FMN2: variants seen among roughly 807,000 people sequenced by gnomAD.
FMN2 encodes the protein formin-2.
In FMN2, 51 loss-of-function variants were observed where a neutral mutation model predicts 142.3. The ratio of observed to expected loss-of-function variants is 0.36; its 90% CI spans 0.29 to 0.45. The LOEUF is 0.45. Among genes scored for constraint, FMN2 ranks in the 20% least tolerant of loss-of-function variants. The pLI is 1.00. For synonymous variants in FMN2, 882 were observed against 869.8 expected (o/e 1.01, Z -0.25); for missense variants, 1,936 against 2,122.8 (o/e 0.91, Z 1.73).
chr1:240,092,277 C>A lies in FMN2; in HGVS notation c.168C>A (p.Gly56=), dbSNP rs552568759. ...GKHGKGGGGG[G]GGGESGKKKS... is the part of the protein sequence containing the mutation. ...ACGGCAAGGGGGGAGGGGGCGGCGGCGGCGGCGGGGAGTCGGGCAAGAAGA... is the reference window on the plus strand; with the variant it reads ...ACGGCAAGGGGGGAGGGGGCGGCGGAGGCGGCGGGGAGTCGGGCAAGAAGA... Residue 56 remains glycine, a synonymous_variant, in exon 1 of 18, where the codon GGC becomes GGA. Transcript: ENST00000319653. 51 of 1,569,232 alleles carry A rather than the reference C, an allele frequency of 3.2e-5. 1 individual carries two copies. The African/African-American group carries it at 6.0e-4, about 18-fold the overall frequency.
chr1:240,315,482 T>A (rs183941184), intron 8 of FMN2, among the ~76,000 whole-genome samples: 1 of 152,314 alleles, frequency 6.6e-6, no homozygotes, highest in East Asian at 1.9e-4. Flanking sequence ...TCCTATCATG[T>A]TTTTCTTCAC....
intron 2 of FMN2, among the ~76,000 whole-genome samples, chr1:240,141,634 T>C (rs573687049): frequency 6.6e-6 from 1 of 152,308 alleles, no homozygotes; most frequent in Admixed American, 6.5e-5. Context: ...CCTCCCGAAG[T>C]GCTGGGATTA....
At chr1:240,187,707 AAG>A (rs1665539526) in intron 3 of FMN2, among the ~76,000 whole-genome samples, 1 of 152,210 alleles carries the variant, frequency 6.6e-6, no homozygotes, top group African/African-American at 2.4e-5. Flanking sequence ...TGAGGACTAA[AAG>A]AGAAAAACTG....
chr1:240,172,485 C>G (rs115380728), intron 2 of FMN2, among the ~76,000 whole-genome samples: 238 of 152,140 alleles, frequency 1.6e-3, no homozygotes, highest in African/African-American at 5.4e-3. Context: ...AAATTCAAAA[C>G]AAATAGTATT....
At chr1:240,364,820 C>T (rs1672607222) in intron 14 of FMN2, among the ~76,000 whole-genome samples, 1 of 152,202 alleles carries the variant, frequency 6.6e-6, no homozygotes, top group East Asian at 1.9e-4. Context: ...ACATTTACTT[C>T]ACAGATGAAT....
intron 6 of FMN2, among the ~76,000 whole-genome samples, chr1:240,242,146 G>C (rs111536908): frequency 3.9e-5 from 6 of 152,144 alleles, no homozygotes; most frequent in African/African-American, 1.4e-4. Flanking sequence ...CGCCCGGCTA[G>C]TGTGCCTTTC....
intron 14 of FMN2, among the ~76,000 whole-genome samples, chr1:240,367,914 G>A (rs1004614763): frequency 6.6e-6 from 1 of 151,380 alleles, no homozygotes; most frequent in African/African-American, 2.4e-5. Flanking sequence ...TCTATGATCT[G>A]CAATAGGAAT....
intron 3 of FMN2, among the ~76,000 whole-genome samples, chr1:240,183,192 C>T (rs1288924810): frequency 2.6e-5 from 4 of 151,734 alleles, no homozygotes; most frequent in Non-Finnish European, 4.4e-5. Flanking sequence ...GCTGGGATTA[C>T]AGACATGAGC....
At chr1:240,211,838 AT>A (rs1193782590) in intron 6 of FMN2, among the ~76,000 whole-genome samples, 1 of 152,130 alleles carries the variant, frequency 6.6e-6, no homozygotes, top group Admixed American at 6.6e-5. Context: ...TTTCCAAGCA[AT>A]TTTTTTCTAC....
chr1:240,437,917 G>A, intron 15 of FMN2, 144 bp from the exon 16 acceptor site: 1 of 961,570 alleles, frequency 1.0e-6, no homozygotes, highest in South Asian at 1.7e-5. Context: ...CCATAAGAGA[G>A]CTACTGTTGG....
intron 15 of FMN2, among the ~76,000 whole-genome samples, chr1:240,431,876 G>C (rs1558487759): frequency 6.7e-6 from 1 of 149,672 alleles, no homozygotes; most frequent in Non-Finnish European, 1.5e-5. Context: ...GTTTTATTAA[G>C]GTTTTTTTTT....
intron 8 of FMN2, among the ~76,000 whole-genome samples, chr1:240,311,759 C>T (rs1670612452): frequency 6.6e-6 from 1 of 152,108 alleles, no homozygotes; most frequent in African/African-American, 2.4e-5. Flanking sequence ...AAAAGATTAA[C>T]ACAGCTGCAT....
chr1:240,143,198 C>A (rs1663270376), intron 2 of FMN2: 3 of 1,591,154 alleles, frequency 1.9e-6, no homozygotes, highest in Non-Finnish European at 2.6e-6. Flanking sequence ...TACCACTGCC[C>A]ACCATGCCCA....
At chr1:240,233,271 C>A (rs1051134850) in intron 6 of FMN2, among the ~76,000 whole-genome samples, 5 of 151,912 alleles carry the variant, frequency 3.3e-5, no homozygotes, top group Non-Finnish European at 4.4e-5. Context: ...ATCCCAGCTA[C>A]TCAGGAGGCT....
rs1666418191 is a variant in FMN2 at position 240,207,542 on chromosome 1, C to A, written c.2730C>A (p.Pro910=). 3 of 1,613,186 alleles carry A rather than the reference C, an allele frequency of 1.9e-6. No individual in the cohort carries two copies. In the South Asian group the frequency reaches 3.3e-5, roughly 18 times the overall value. ...PPLQGTEMLP[P]PPPPLPGAGI... is the part of the protein sequence containing the mutation. Reference sequence around the variant, plus strand: ...TGCAGGGTACAGAAATGCTGCCACCCCCTCCCCCTCCTCTTCCCGGAGCGG... The same window carrying A: ...TGCAGGGTACAGAAATGCTGCCACCACCTCCCCCTCCTCTTCCCGGAGCGG... Residue 910 remains proline, a synonymous_variant, in exon 5 of 18, where the codon CCC becomes CCA. Coordinates refer to ENST00000319653, the MANE Select transcript of FMN2 (RefSeq NM_020066.5).
chr1:240,388,676 A>G (rs1673495115), intron 14 of FMN2, among the ~76,000 whole-genome samples: 1 of 152,032 alleles, frequency 6.6e-6, no homozygotes, highest in African/African-American at 2.4e-5. Flanking sequence ...AGCCTGACCA[A>G]TATGATGAAA....
At chr1:240,252,460 C>G (rs112764175) in intron 6 of FMN2, among the ~76,000 whole-genome samples, 4 of 151,996 alleles carry the variant, frequency 2.6e-5, no homozygotes, top group African/African-American at 7.2e-5. Flanking sequence ...GTGATTAGTA[C>G]CTTCAACTTT....
intron 14 of FMN2, among the ~76,000 whole-genome samples, chr1:240,390,695 G>A (rs1454582797): frequency 6.6e-6 from 1 of 152,196 alleles, no homozygotes; most frequent in Non-Finnish European, 1.5e-5. Context: ...GAGGCACCGT[G>A]CTAAGTATTT....
chr1:240,298,514 G>A (rs1008826216), intron 8 of FMN2, among the ~76,000 whole-genome samples: 2 of 152,174 alleles, frequency 1.3e-5, no homozygotes, highest in South Asian at 4.1e-4. Flanking sequence ...CCATTCTGTG[G>A]CCTGTTAGGA....
Sources: gnomAD v4.1 joint callset for allele counts (sites outside exome capture counted in the v4.1 genomes callset) on GRCh38, gnomAD v4.1.1 for gene constraint, MANE v1.5 for transcripts, NCBI Gene and HGNC (gene_info 2026-07-23, HGNC 2026-07-21) for gene names.